Variants in POF1B observed in about 807,000 individuals in gnomAD.
POF1B encodes protein POF1B.
In POF1B, 53 loss-of-function variants were observed where a neutral mutation model predicts 55.3. The ratio of observed to expected loss-of-function variants is 0.96; its 90% CI spans 0.77 to 1.20. POF1B has a LOEUF of 1.20. POF1B is among the 50% of genes most tolerant of loss of function. The pLI, the probability that POF1B is intolerant of heterozygous loss-of-function variation, is 0.00. For missense variants in POF1B, 478 were observed against 420.5 expected (o/e 1.14, Z -1.20); for synonymous variants, 188 against 148.3 (o/e 1.27, Z -1.95).
chrX:85,363,221 A>T (rs1348801424), intron 3 of POF1B, among the ~76,000 whole-genome samples: 1 of 110,313 alleles, frequency 9.1e-6, no homozygotes, highest in Non-Finnish European at 1.9e-5. Context: ...AGATCTTTTG[A>T]ATTTTTTTTT....
intron 7 of POF1B, among the ~76,000 whole-genome samples, chrX:85,320,564 T>C (rs1418304570): frequency 9.0e-6 from 1 of 110,933 alleles, no homozygotes; most frequent in Non-Finnish European, 1.9e-5. Context: ...ATTCAAAAGC[T>C]AGCAGAAGGC....
intron 3 of POF1B, among the ~76,000 whole-genome samples, chrX:85,366,654 G>C (rs1933728857): frequency 9.0e-6 from 1 of 110,906 alleles, no homozygotes; most frequent in African/African-American, 3.3e-5. Flanking sequence ...GGTCCTATAG[G>C]GCTGCATTTC....
At chrX:85,302,345 A>G (rs182344388) in intron 15 of POF1B, among the ~76,000 whole-genome samples, 13 of 111,739 alleles carry the variant, frequency 1.2e-4, no homozygotes. Context: ...AAATTGCTAA[A>G]AAACATTAGT....
intron 15 of POF1B, among the ~76,000 whole-genome samples, chrX:85,296,029 T>C (rs1010933557): frequency 4.4e-5 from 5 of 112,395 alleles, no homozygotes; most frequent in African/African-American, 1.6e-4. Context: ...ATTTAAACTC[T>C]GTTTTATATG....
intron 5 of POF1B, among the ~76,000 whole-genome samples, chrX:85,346,282 G>A (rs1258692659): frequency 1.8e-5 from 2 of 109,674 alleles, no homozygotes; most frequent in African/African-American, 6.6e-5. Flanking sequence ...GATTGGCCAA[G>A]GCATTGCATG....
chrX:85,308,240 T>C, intron 9 of POF1B, 24 bp from the exon 10 acceptor site: 2 of 1,008,683 alleles, frequency 2.0e-6, no homozygotes, highest in Non-Finnish European at 1.3e-6. Context: ...GGATTAATGG[T>C]TTAGTTTTAT....
At chrX:85,357,051 T>G (rs1011396310) in intron 4 of POF1B, among the ~76,000 whole-genome samples, 4 of 111,257 alleles carry the variant, frequency 3.6e-5, no homozygotes, top group Admixed American at 2.9e-4. Context: ...TTACAAATAT[T>G]TTCATTTTCC....
chrX:85,350,996 A>T (rs1043044441), intron 5 of POF1B, among the ~76,000 whole-genome samples: 2 of 111,875 alleles, frequency 1.8e-5, no homozygotes, highest in African/African-American at 6.5e-5. Context: ...TATTAAAAGA[A>T]TTAGAACAAA....
intron 7 of POF1B, among the ~76,000 whole-genome samples, chrX:85,326,280 G>A (rs1932895653): frequency 9.1e-6 from 1 of 109,797 alleles, no homozygotes; most frequent in Admixed American, 9.4e-5. Flanking sequence ...CATGGTGGTG[G>A]CGGGGGAGGT....
chrX:85,319,415 A>C (rs1191770373), intron 7 of POF1B, among the ~76,000 whole-genome samples: 1 of 110,975 alleles, frequency 9.0e-6, no homozygotes, highest in East Asian at 2.8e-4. Flanking sequence ...GTTGCATAGA[A>C]GTGGTGAGAG....
intron 9 of POF1B, among the ~76,000 whole-genome samples, chrX:85,313,603 C>A (rs974429608): frequency 3.6e-5 from 4 of 111,251 alleles, no homozygotes; most frequent in Non-Finnish European, 7.5e-5. Context: ...ATTTTTGCAT[C>A]GACGTTCATC....
chrX:85,328,583 G>C (rs1932928184), intron 7 of POF1B, among the ~76,000 whole-genome samples: 1 of 110,787 alleles, frequency 9.0e-6, no homozygotes, highest in South Asian at 3.8e-4. Flanking sequence ...TCAGAGTGTG[G>C]GTTCTAGTCC....
chrX:85,344,763 G>A (rs1933237546), intron 6 of POF1B, among the ~76,000 whole-genome samples: 1 of 110,920 alleles, frequency 9.0e-6, no homozygotes, highest in Admixed American at 9.7e-5. Flanking sequence ...GACAATTTTA[G>A]GCTTTTCTTT....
intron 2 of POF1B, among the ~76,000 whole-genome samples, chrX:85,377,088 T>C (rs982623214): frequency 1.8e-5 from 2 of 112,043 alleles, no homozygotes; most frequent in Non-Finnish European, 3.8e-5. Context: ...ATCTGAAACG[T>C]GGTTTATTAA....
At chrX:85,367,582 G>A in intron 3 of POF1B, 110 bp downstream of exon 3, 1 of 512,180 alleles carries the variant, frequency 2.0e-6, no homozygotes, top group Admixed American at 3.6e-5. Flanking sequence ...ATCCTCACAT[G>A]GTGTGAATGT....
chrX:85,306,633 C>A (rs1006600850), intron 11 of POF1B, among the ~76,000 whole-genome samples: 2 of 110,683 alleles, frequency 1.8e-5, no homozygotes, highest in African/African-American at 6.6e-5. Context: ...CTAGTAGGCA[C>A]AGAAACGACC....
chrX:85,324,804 T>G (rs777344141), intron 7 of POF1B, among the ~76,000 whole-genome samples: 1 of 111,818 alleles, frequency 8.9e-6, no homozygotes, highest in African/African-American at 3.3e-5. Flanking sequence ...GCCTATGTAC[T>G]TGTGTGTTTT....
At chrX:85,365,222 A>T (rs1348404231) in intron 3 of POF1B, among the ~76,000 whole-genome samples, 1 of 111,150 alleles carries the variant, frequency 9.0e-6, no homozygotes, top group Non-Finnish European at 1.9e-5. Flanking sequence ...AATGATCTTT[A>T]TTTCTATCCA....
chrX:85,305,694 G>A, intron 13 of POF1B, 97 bp downstream of exon 13: 3 of 966,607 alleles, frequency 3.1e-6, no homozygotes, highest in Non-Finnish European at 4.2e-6. Flanking sequence ...TCTACCTTCA[G>A]CTAATTTTTT....
Sources: allele counts gnomAD v4.1 joint callset (sites outside exome capture counted in the v4.1 genomes callset), GRCh38; gene constraint gnomAD v4.1.1; transcripts MANE v1.5; gene names NCBI Gene and HGNC (gene_info 2026-07-23, HGNC 2026-07-21).